Variants in CSMD1 observed in about 807,000 individuals in gnomAD.
The protein encoded by CSMD1 is CUB and Sushi multiple domains 1.
A neutral mutation model predicts 417.5 loss-of-function variants in CSMD1; 213 were observed. That is an observed-to-expected ratio of 0.51 (90% CI 0.46 to 0.57). The LOEUF (loss-of-function observed/expected upper bound fraction) is 0.57, where lower values mean the gene tolerates loss of function less well. CSMD1 is among the 20% of genes least tolerant of loss of function. CSMD1 has a pLI of 0.00. For synonymous variants in CSMD1, 2,862 were observed against 1,736.8 expected, an observed-to-expected ratio of 1.65 and a Z score of -16.11; for missense variants, 6,923 against 4,529.7, an observed-to-expected ratio of 1.53 and a Z score of -15.17.
intron 5 of CSMD1, among the ~76,000 whole-genome samples, chr8:3,878,273 G>C (rs1372115508): frequency 1.3e-5 from 2 of 152,012 alleles, no homozygotes; most frequent in African/African-American, 2.4e-5. Flanking sequence ...TCCAGGAATG[G>C]GACTAAAATA....
chr8:3,162,500 C>A (rs1291177463), intron 37 of CSMD1, among the ~76,000 whole-genome samples: 1 of 152,020 alleles, frequency 6.6e-6, no homozygotes, highest in Non-Finnish European at 1.5e-5. Context: ...CACAATGAAT[C>A]AAGGCTTTGA....
intron 1 of CSMD1, among the ~76,000 whole-genome samples, chr8:4,906,931 A>G (rs576904741): frequency 1.3e-5 from 2 of 152,122 alleles, no homozygotes; most frequent in African/African-American, 4.8e-5. Flanking sequence ...ATTAGTAGGT[A>G]TTTTCCTATT....
chr8:3,781,258 T>A (rs1799165831), intron 5 of CSMD1, among the ~76,000 whole-genome samples: 1 of 152,198 alleles, frequency 6.6e-6, no homozygotes, highest in Non-Finnish European at 1.5e-5. Flanking sequence ...GAATGTGCAC[T>A]ACCACAGAGT....
intron 3 of CSMD1, among the ~76,000 whole-genome samples, chr8:4,252,474 CA>C (rs1803146693): frequency 6.6e-6 from 1 of 152,214 alleles, no homozygotes; most frequent in South Asian, 2.1e-4. Flanking sequence ...CACTCTAATA[CA>C]TTTCCAGGGC....
chr8:4,177,169 CAT>C (rs1798096155), intron 3 of CSMD1, among the ~76,000 whole-genome samples: 1 of 152,110 alleles, frequency 6.6e-6, no homozygotes. Flanking sequence ...AAATTGACCA[CAT>C]AGCTGGAAGT....
intron 2 of CSMD1, among the ~76,000 whole-genome samples, chr8:4,630,135 G>C (rs17070903): frequency 0.071 from 10,845 of 152,146 alleles, 608 homozygotes; most frequent in East Asian, 0.18. Flanking sequence ...GAATTCACAT[G>C]CCTGTCAAAA....
chr8:3,357,276 G>A (rs1808856710), intron 21 of CSMD1, among the ~76,000 whole-genome samples: 1 of 152,232 alleles, frequency 6.6e-6, no homozygotes, highest in South Asian at 2.1e-4. Context: ...TAAAGGCTGA[G>A]TTGCAGGCTC....
chr8:3,939,092 C>T (rs1223325629), intron 5 of CSMD1, among the ~76,000 whole-genome samples: 4 of 152,044 alleles, frequency 2.6e-5, no homozygotes, highest in Non-Finnish European at 4.4e-5. Flanking sequence ...TCCTAAGATG[C>T]ATAAATTGTT....
At chr8:3,750,101 G>A (rs1797259509) in intron 6 of CSMD1, among the ~76,000 whole-genome samples, 2 of 152,190 alleles carry the variant, frequency 1.3e-5, no homozygotes, top group African/African-American at 2.4e-5. Context: ...TTGGGCTGGG[G>A]AGGCATTGAA....
At position 3,108,998 on chromosome 8, in the gene CSMD1, C is replaced by A. The variant is rs574784308; in HGVS notation, c.6609-250G>T. On this transcript the variant is annotated intron_variant, in intron 43 of 69. Transcript: ENST00000635120. Reference sequence around the variant, plus strand: ...TGTCAACACTCACCGGTGCTGGTGGCTCATGCCTGTCATCCCAGCACTTTG... The same window carrying A: ...TGTCAACACTCACCGGTGCTGGTGGATCATGCCTGTCATCCCAGCACTTTG... Among the ~76,000 whole-genome samples the A allele has an allele frequency of 2.6e-5, 4 of 152,326 alleles. No homozygotes were observed. The East Asian group carries it at 7.7e-4, about 29-fold the overall frequency.
At chr8:3,931,168 T>C (rs1342155314) in intron 5 of CSMD1, among the ~76,000 whole-genome samples, 1 of 150,738 alleles carries the variant, frequency 6.6e-6, no homozygotes, top group African/African-American at 2.4e-5. Context: ...CTGCATCTTT[T>C]AAAGCATCTT....
intron 5 of CSMD1, among the ~76,000 whole-genome samples, chr8:3,944,082 CA>C (rs1220946717): frequency 6.6e-6 from 1 of 152,038 alleles, no homozygotes; most frequent in Non-Finnish European, 1.5e-5. Context: ...GAAAAATATA[CA>C]GTGAGAAAGA....
intron 1 of CSMD1, among the ~76,000 whole-genome samples, chr8:4,976,535 TA>T (rs1181450165): frequency 6.6e-6 from 1 of 152,200 alleles, no homozygotes; most frequent in Non-Finnish European, 1.5e-5. Context: ...TAGCATTCAA[TA>T]CTTACAAAAT....
chr8:3,317,679 C>G (rs538844843), intron 23 of CSMD1, among the ~76,000 whole-genome samples: 22 of 152,274 alleles, frequency 1.4e-4, no homozygotes, highest in African/African-American at 3.9e-4. Flanking sequence ...CTGGTTAATA[C>G]TACGTTTATT....
At chr8:3,544,953 T>C (rs1038982582) in intron 10 of CSMD1, among the ~76,000 whole-genome samples, 2 of 151,984 alleles carry the variant, frequency 1.3e-5, no homozygotes, top group Non-Finnish European at 2.9e-5. Context: ...AGATCTCTTC[T>C]TTCTCATGTG....
At chr8:4,901,408 C>T (rs1284370292) in intron 1 of CSMD1, among the ~76,000 whole-genome samples, 2 of 152,126 alleles carry the variant, frequency 1.3e-5, no homozygotes, top group African/African-American at 4.8e-5. Context: ...GAAAGCAGCT[C>T]ATTGCTTCTT....
At chr8:3,356,073 C>G (rs1226441005) in intron 21 of CSMD1, among the ~76,000 whole-genome samples, 3 of 152,192 alleles carry the variant, frequency 2.0e-5, no homozygotes, top group Middle Eastern at 3.2e-3. Context: ...AGCTCAGATG[C>G]TCACTAGAAA....
At chr8:4,657,528 A>C (rs555961431) in intron 1 of CSMD1, among the ~76,000 whole-genome samples, 1 of 152,300 alleles carries the variant, frequency 6.6e-6, no homozygotes, top group East Asian at 1.9e-4. Flanking sequence ...ACAAACATAG[A>C]AAAGAATATA....
intron 3 of CSMD1, among the ~76,000 whole-genome samples, chr8:4,124,983 TG>T (rs1014601907): frequency 4.0e-4 from 61 of 152,282 alleles, no homozygotes; most frequent in African/African-American, 1.5e-3. Context: ...CTGTCGCTTT[TG>T]CTTTCCTTTC....
Sources: allele counts gnomAD v4.1 joint callset (sites outside exome capture counted in the v4.1 genomes callset), GRCh38; gene constraint gnomAD v4.1.1; transcripts MANE v1.5; gene names NCBI Gene and HGNC (gene_info 2026-07-23, HGNC 2026-07-21).